RDH13: variants seen among roughly 807,000 people sequenced by gnomAD.
RDH13 encodes retinol dehydrogenase 13 (all-trans and 9-cis).
Under a neutral mutation model 28.3 loss-of-function variants are expected in RDH13, and 35 were observed. The ratio of observed to expected loss-of-function variants is 1.24; its 90% CI spans 0.95 to 1.64. RDH13 has a LOEUF of 1.64. Among genes scored for constraint, RDH13 ranks in the 40% most tolerant of loss-of-function variants. The pLI is 0.00. For synonymous variants in RDH13, 229 were observed against 198.5 expected (o/e 1.15, Z -1.29); for missense variants, 514 against 446.3 (o/e 1.15, Z -1.37).
rs918642838 is a variant in RDH13, at chr19:55,044,754, G to A, written c.*320C>T. 5.1e-5 allele frequency: 19 copies of A among 375,088 alleles called. No homozygotes were observed. Among genetic ancestry groups the A allele is most frequent in the Admixed American group, 4.1e-4 (9 of 22,108 alleles). 23.2% of individuals were successfully genotyped at this position (375,088 alleles called of 1,614,324 possible). On this transcript the variant is annotated 3_prime_UTR_variant, in exon 7 of 7. Transcript: ENST00000415061. ...CTTGGAACCCTCCCCGACAGGCACC[G>A]CTGGCTCTCCTGACGTGGCCTGCAA...
downstream of RDH13, chr19:55,042,007 G>A (rs1602677928): frequency 6.6e-6 from 1 of 152,114 alleles, no homozygotes; most frequent in Non-Finnish European, 1.5e-5. Context: ...AACGCTTCCT[G>A]GAGATAGCGA....
In RDH13 at chr19:55,045,097, T is replaced by A. The variant is rs2075163851; in HGVS notation, c.973A>T (p.Arg325Trp). 7.5e-6 allele frequency: 12 copies of A among 1,609,848 alleles called. No individual in the cohort carries two copies. In the South Asian group the frequency reaches 1.2e-4, roughly 16 times the overall value. ...GGTTATCTGGGGAGGGGCTGCTCCCTCACAGAGGGAGCCTCTAAGCCCACC... is the reference window on the plus strand; with the variant it reads ...GGTTATCTGGGGAGGGGCTGCTCCCACACAGAGGGAGCCTCTAAGCCCACC... ...RLVGLEAPSV[R>W]EQPLPR The change falls in exon 7 of 7, where the codon AGG becomes TGG. Residue 325 changes from arginine to tryptophan, a missense_variant. Transcript: ENST00000415061.
At chr19:55,066,707 C>T (rs538544091), upstream of RDH13, among the ~76,000 whole-genome samples, 1 of 151,414 alleles carries the variant, frequency 6.6e-6, no homozygotes, top group African/African-American at 2.4e-5. Context: ...CTTTCTTCCT[C>T]TCTCTCTTCT....
chr19:55,066,067 A>C (rs1352142392), upstream of RDH13, among the ~76,000 whole-genome samples: 3 of 152,172 alleles, frequency 2.0e-5, no homozygotes, highest in Non-Finnish European at 4.4e-5. Flanking sequence ...CATAACAAGG[A>C]CTTAATCCAT....
chr19:55,042,204 ATCAAAC>A (rs955446587), downstream of RDH13: 2 of 150,960 alleles, frequency 1.3e-5, no homozygotes, highest in Admixed American at 6.6e-5. Flanking sequence ...TTGCTCATTT[ATCAAAC>A]TCAAACGCTA....
intron 3 of RDH13, among the ~76,000 whole-genome samples, chr19:55,056,233 G>C (rs2075628020): frequency 6.6e-6 from 1 of 152,064 alleles, no homozygotes; most frequent in African/African-American, 2.4e-5. Flanking sequence ...GGAGGCTGAG[G>C]CAGGAGAATC....
chr19:55,049,006 G>A (rs2075338878), intron 3 of RDH13, among the ~76,000 whole-genome samples: 1 of 152,172 alleles, frequency 6.6e-6, no homozygotes, highest in South Asian at 2.1e-4. Context: ...TGTGTGGACA[G>A]AGGCAAAGAC....
intron 6 of RDH13, among the ~76,000 whole-genome samples, chr19:55,046,257 G>A (rs1456159071): frequency 5.5e-5 from 7 of 127,434 alleles, no homozygotes; most frequent in African/African-American, 2.1e-4. Flanking sequence ...AAAAAAAAAA[G>A]ACATTTATTT....
Position 55,062,965 on chromosome 19 carries a change from C to A in RDH13, c.65+3G>T. On this transcript the variant is annotated splice_donor_region_variant and intron_variant, in intron 1 of 6. Transcript: ENST00000415061. ...CGCGCACGCGGGGCTAGAATGTACT[C>A]ACTTGAGCAGCACGGCGGCGCCTGC... 1 of 1,482,136 alleles carries A rather than the reference C, an allele frequency of 6.7e-7. No individual in the cohort carries two copies. The highest frequency in any genetic ancestry group is 8.9e-7 in the Non-Finnish European group (1 of 1,119,982). The allele number at this position is 1,482,136 out of a possible 1,614,324, so 91.8% of individuals were successfully genotyped here.
At chr19:55,064,673 G>GT (rs748860844), upstream of RDH13, among the ~76,000 whole-genome samples, 571 of 150,496 alleles carry the variant, frequency 3.8e-3, 2 homozygotes, top group African/African-American at 6.0e-3. Context: ...GAGAGCAGTG[G>GT]GCGATCTCAG....
In RDH13 at chr19:55,063,088, C is replaced by A. The variant is rs961706863; in HGVS notation, c.-56G>T. On this transcript the variant is annotated 5_prime_UTR_variant, in exon 1 of 7. Transcript: ENST00000415061. Reference sequence around the variant, plus strand: ...GGGTCGGCGCGGAGCTTGCTGCACACCAGCCGCCTGGGTAGCTCCGAGGAA... The same window carrying A: ...GGGTCGGCGCGGAGCTTGCTGCACAACAGCCGCCTGGGTAGCTCCGAGGAA... The A allele has an allele frequency of 7.9e-7, 1 of 1,258,724 alleles. No homozygotes were observed. Among genetic ancestry groups the A allele is most frequent in the Non-Finnish European group, 1.0e-6 (1 of 984,486 alleles). 78.0% of individuals were successfully genotyped at this position (1,258,724 alleles called of 1,614,324 possible).
intron 3 of RDH13, among the ~76,000 whole-genome samples, chr19:55,053,529 G>A (rs1186883213): frequency 2.0e-5 from 3 of 151,962 alleles, no homozygotes; most frequent in East Asian, 1.9e-4. Flanking sequence ...GGTGGCAGGC[G>A]CCTGTAGTCC....
chr19:55,064,848 G>T (rs1258219714), upstream of RDH13, among the ~76,000 whole-genome samples: 15 of 149,544 alleles, frequency 1.0e-4, 2 homozygotes, highest in East Asian at 2.4e-3. Context: ...CCTGACCTCA[G>T]GTGATCCACC....
chr19:55,045,759 A>T (rs573544636), intron 6 of RDH13, among the ~76,000 whole-genome samples: 2 of 151,986 alleles, frequency 1.3e-5, no homozygotes, highest in South Asian at 4.2e-4. Flanking sequence ...CAGCCTGGCC[A>T]ACATGGTGAA....
At chr19:55,045,374 C>G (rs1352553107) in intron 6 of RDH13, 65 bp from the exon 7 acceptor site, 1 of 1,350,874 alleles carries the variant, frequency 7.4e-7, no homozygotes, top group East Asian at 2.3e-5. Context: ...AGCCCCGCTC[C>G]CCGGTCAGGG....
intron 3 of RDH13, among the ~76,000 whole-genome samples, chr19:55,049,257 C>G (rs4806467): frequency 0.073 from 11,058 of 152,184 alleles, 548 homozygotes; most frequent in East Asian, 0.2. Context: ...CCTTGGGACT[C>G]CTTCCTGCCG....
chr19:55,044,674 G>C lies in RDH13; in HGVS notation c.*400C>G, dbSNP rs2075141651. On this transcript the variant is annotated 3_prime_UTR_variant, in exon 7 of 7. Transcript: ENST00000415061. ...ACCATGCATGCACAAGGTCCCACAGGGACCCAAGAATCCACCAAGTGTCAG... is the reference window on the plus strand; with the variant it reads ...ACCATGCATGCACAAGGTCCCACAGCGACCCAAGAATCCACCAAGTGTCAG... 1 of 213,656 alleles carries C rather than the reference G, an allele frequency of 4.7e-6. No homozygotes were observed. Among genetic ancestry groups the C allele is most frequent in the Non-Finnish European group, 9.2e-6 (1 of 108,508 alleles). The allele number at this position is 213,656 out of a possible 1,614,324, so 13.2% of individuals were successfully genotyped here.
chr19:55,065,466 C>A (rs1404370530), upstream of RDH13, among the ~76,000 whole-genome samples: 1 of 151,312 alleles, frequency 6.6e-6, no homozygotes, highest in Non-Finnish European at 1.5e-5. Context: ...GAAAAAAAAA[C>A]AACACTGTTT....
rs1207711193 is a variant in RDH13, at chr19:55,056,684, A to G, written c.309T>C (p.Ser103=). The part of the protein sequence containing the change: ...ARHLDLASLK[S]IREFAAKIIE... ...TGATCTTTGCTGCAAACTCTCGGAT[A>G]GACTTGAGGGAAGCCAAGTCCAGGT... is the stretch of plus-strand genomic sequence containing the variant. Residue 103 remains serine, a synonymous_variant, in exon 3 of 7, where the codon TCT becomes TCC. Transcript: ENST00000415061. 1.9e-6 allele frequency: 3 copies of G among 1,613,876 alleles called. No individual in the cohort carries two copies. The African/African-American group carries it at 4.0e-5, about 22-fold the overall frequency.
Sources: allele counts gnomAD v4.1 joint callset (sites outside exome capture counted in the v4.1 genomes callset), GRCh38; gene constraint gnomAD v4.1.1; transcripts MANE v1.5; gene names NCBI Gene and HGNC (gene_info 2026-07-23, HGNC 2026-07-21).